CSMD1: variants seen among roughly 807,000 people sequenced by gnomAD.
The protein encoded by CSMD1 is CUB and sushi domain-containing protein 1.
Under a neutral mutation model 417.5 loss-of-function variants are expected in CSMD1, and 213 were observed. The observed-to-expected ratio is 0.51, with a 90% CI of 0.46 to 0.57. The LOEUF is 0.57. Among genes scored for constraint, CSMD1 ranks in the 20% least tolerant of loss-of-function variants. The pLI is 0.00. For synonymous variants in CSMD1, 2,862 were observed against 1,736.8 expected (o/e 1.65, Z -16.11); for missense variants, 6,923 against 4,529.7 (o/e 1.53, Z -15.17).
chr8:4,693,027 A>C (rs1025429728), intron 1 of CSMD1, among the ~76,000 whole-genome samples: 1 of 152,212 alleles, frequency 6.6e-6, no homozygotes, highest in Non-Finnish European at 1.5e-5. Context: ...ACTCCTGTCC[A>C]GAGGCCAATC....
At chr8:4,210,756 G>A (rs549216647) in intron 3 of CSMD1, among the ~76,000 whole-genome samples, 3 of 152,100 alleles carry the variant, frequency 2.0e-5, no homozygotes, top group Admixed American at 1.3e-4. Context: ...ACTGAAATAT[G>A]AAAGATCTTT....
intron 3 of CSMD1, among the ~76,000 whole-genome samples, chr8:4,240,551 C>A (rs1412858879): frequency 1.3e-5 from 2 of 152,282 alleles, no homozygotes; most frequent in African/African-American, 4.8e-5. Context: ...TCTTAGAAGC[C>A]TGTGCCTCCT....
At chr8:4,033,254 C>A (rs940679425) in intron 3 of CSMD1, among the ~76,000 whole-genome samples, 1 of 149,980 alleles carries the variant, frequency 6.7e-6, no homozygotes, top group African/African-American at 2.4e-5. Flanking sequence ...TCCTGGCTAA[C>A]ACGGTGAAAC....
At chr8:3,656,999 G>A (rs1300297206) in intron 7 of CSMD1, among the ~76,000 whole-genome samples, 1 of 152,028 alleles carries the variant, frequency 6.6e-6, no homozygotes. Flanking sequence ...ATGGGGATGT[G>A]ACCCACTCAT....
chr8:3,485,615 C>G (rs888593130), intron 11 of CSMD1, among the ~76,000 whole-genome samples: 1 of 149,432 alleles, frequency 6.7e-6, no homozygotes, highest in African/African-American at 2.5e-5. Context: ...ATTAAATGAG[C>G]TGGGTGTGGT....
rs911221683 is a variant in CSMD1, at chr8:3,288,654, A to G, written c.3951-4308T>C. Among the ~76,000 whole-genome samples, 4 of 146,598 alleles carry G rather than the reference A, an allele frequency of 2.7e-5. 1 individual carries two copies. Among genetic ancestry groups the G allele is most frequent in the Admixed American group, 1.3e-4 (2 of 14,874 alleles). ...TGGGATGGGTGGTGATATCCCTTTT[A>G]TCATTTTTTATTGTGTCTATTTGAT... On this transcript the variant is annotated intron_variant, in intron 25 of 69. Transcript: ENST00000635120.
At chr8:3,524,110 T>C (rs570969949) in intron 10 of CSMD1, among the ~76,000 whole-genome samples, 2 of 134,912 alleles carry the variant, frequency 1.5e-5, no homozygotes, top group East Asian at 2.4e-4. Context: ...GAGAGACATA[T>C]GGACATATGT....
At chr8:4,963,649 G>A (rs373457825) in intron 1 of CSMD1, among the ~76,000 whole-genome samples, 4 of 152,210 alleles carry the variant, frequency 2.6e-5, no homozygotes, top group Non-Finnish European at 5.9e-5. Context: ...AAGATAATAC[G>A]TGTAGTATGA....
At chr8:4,035,614 A>G (rs151132802) in intron 3 of CSMD1, among the ~76,000 whole-genome samples, 5 of 152,368 alleles carry the variant, frequency 3.3e-5, no homozygotes, top group African/African-American at 1.2e-4. Context: ...CAGTTTAAAA[A>G]GTAAGAACAT....
chr8:4,709,501 C>A (rs545905493), intron 1 of CSMD1, among the ~76,000 whole-genome samples: 3 of 152,216 alleles, frequency 2.0e-5, no homozygotes, highest in Non-Finnish European at 4.4e-5. Context: ...CATGTGCCAC[C>A]TTCCTCAGGC....
At chr8:4,363,675 A>G (rs1801906575) in intron 3 of CSMD1, among the ~76,000 whole-genome samples, 1 of 152,152 alleles carries the variant, frequency 6.6e-6, no homozygotes, top group Non-Finnish European at 1.5e-5. Context: ...AAAGCATTAC[A>G]TCGCTCTGTG....
intron 4 of CSMD1, among the ~76,000 whole-genome samples, chr8:4,029,474 C>A (rs572813091): frequency 6.6e-6 from 1 of 152,080 alleles, no homozygotes; most frequent in Non-Finnish European, 1.5e-5. Flanking sequence ...GAGAAACACC[C>A]ATTTTTAAAA....
rs149516592 is a variant in CSMD1, at chr8:4,731,092, C to A, written c.86-93534G>T. 4.7e-3 allele frequency among the ~76,000 whole-genome samples: 720 copies of A among 152,298 alleles called. 9 individuals carry two copies. Among genetic ancestry groups the A allele is most frequent in the African/African-American group, 0.016 (646 of 41,550 alleles). Reference sequence around the variant, plus strand: ...TCCTGCTGAGAGAGACCATTACCAGCTGTAACCTGCTTTTGATTTGCCCAT... The same window carrying A: ...TCCTGCTGAGAGAGACCATTACCAGATGTAACCTGCTTTTGATTTGCCCAT... On this transcript the variant is annotated intron_variant, in intron 1 of 69. Coordinates refer to ENST00000635120, the MANE Select transcript of CSMD1 (RefSeq NM_033225.6).
At chr8:3,604,302 G>A (rs139421957) in intron 8 of CSMD1, among the ~76,000 whole-genome samples, 1 of 151,196 alleles carries the variant, frequency 6.6e-6, no homozygotes, top group African/African-American at 2.5e-5. Flanking sequence ...GAGGCTGCGG[G>A]GGGGGACCAA....
intron 7 of CSMD1, among the ~76,000 whole-genome samples, chr8:3,668,995 A>C (rs1214157770): frequency 6.6e-6 from 1 of 152,128 alleles, no homozygotes; most frequent in Non-Finnish European, 1.5e-5. Context: ...CTGTGCTTTC[A>C]CTGGAAATCT....
At chr8:4,444,487 A>C (rs1479277329) in intron 2 of CSMD1, among the ~76,000 whole-genome samples, 3 of 152,038 alleles carry the variant, frequency 2.0e-5, no homozygotes, top group African/African-American at 7.2e-5. Flanking sequence ...AGTCGCATTC[A>C]ATTAGGATAT....
intron 2 of CSMD1, among the ~76,000 whole-genome samples, chr8:4,576,395 T>C (rs1268911106): frequency 6.6e-6 from 1 of 152,264 alleles, no homozygotes; most frequent in Non-Finnish European, 1.5e-5. Flanking sequence ...CCCTGTCCCA[T>C]TCCCCAGACT....
intron 5 of CSMD1, among the ~76,000 whole-genome samples, chr8:3,901,976 G>C (rs957291645): frequency 2.6e-5 from 4 of 152,080 alleles, no homozygotes; most frequent in African/African-American, 9.7e-5. Context: ...GCTTTAAATG[G>C]CTGTTTCTCT....
At chr8:3,959,689 T>C (rs1197814641) in intron 5 of CSMD1, among the ~76,000 whole-genome samples, 1 of 152,178 alleles carries the variant, frequency 6.6e-6, no homozygotes, top group Non-Finnish European at 1.5e-5. Flanking sequence ...AGCAGGTAAG[T>C]TTCTTTATAT....
Sources: gnomAD v4.1 joint callset for allele counts (sites outside exome capture counted in the v4.1 genomes callset) on GRCh38, gnomAD v4.1.1 for gene constraint, MANE v1.5 for transcripts, NCBI Gene and HGNC (gene_info 2026-07-23, HGNC 2026-07-21) for gene names.